The following C1QTNF3 variants were observed in gnomAD, a reference collection of about 807,000 sequenced individuals.
C1QTNF3 encodes C1q and TNF related 3.
C1QTNF3 carries 26 observed loss-of-function variants against 32.6 expected under a neutral mutation model. The observed-to-expected ratio is 0.80, with a 90% CI of 0.58 to 1.11. The LOEUF (loss-of-function observed/expected upper bound fraction) is 1.11. Among genes scored for constraint, C1QTNF3 ranks in the 50% least tolerant of loss-of-function variants. The probability of loss-of-function intolerance (pLI) is 0.00; values close to 1 mark genes in which losing one functional copy is unlikely to be tolerated. For missense variants in C1QTNF3, 362 were observed against 398.2 expected (o/e 0.91, Z 0.77); for synonymous variants, 155 against 146.0 (o/e 1.06, Z -0.44).
At chr5:34,208,071 T>C in the C1QTNF3 span, among the ~76,000 whole-genome samples, 1 of 152,218 alleles carries the variant, frequency 6.6e-6, no homozygotes, top group Admixed American at 6.5e-5. Context: ...ATTACAGGCG[T>C]GAGCCACCTC....
chr5:34,069,190 G>A, the C1QTNF3 span, among the ~76,000 whole-genome samples: 1,255 of 145,378 alleles, frequency 8.6e-3, 14 homozygotes, highest in African/African-American at 0.03. Context: ...AGTTCCCATC[G>A]ATCAATATTT....
the C1QTNF3 span, among the ~76,000 whole-genome samples, chr5:34,081,257 T>C: frequency 6.6e-6 from 1 of 151,724 alleles, no homozygotes; most frequent in East Asian, 1.9e-4. Context: ...AATGAAATTA[T>C]TGACAAAACT....
At chr5:34,215,873 T>C in the C1QTNF3 span, among the ~76,000 whole-genome samples, 2 of 152,264 alleles carry the variant, frequency 1.3e-5, no homozygotes. Flanking sequence ...CCCCAAGCAA[T>C]CCTCCCACCT....
the C1QTNF3 span, among the ~76,000 whole-genome samples, chr5:34,110,694 C>T: frequency 2.6e-5 from 4 of 152,090 alleles, no homozygotes; most frequent in South Asian, 2.1e-4. Context: ...TAAAACTGAT[C>T]GCTGCTTATT....
the C1QTNF3 span, among the ~76,000 whole-genome samples, chr5:34,111,215 A>G: frequency 2.6e-5 from 4 of 152,028 alleles, no homozygotes; most frequent in African/African-American, 9.7e-5. Flanking sequence ...GACATTTTTT[A>G]TTAAATCTTT....
At chr5:34,043,848 C>G (rs1272710730), upstream of C1QTNF3, 2 of 152,224 alleles carry the variant, frequency 1.3e-5, no homozygotes, top group Non-Finnish European at 2.9e-5. Flanking sequence ...TCAAAGTTAA[C>G]TAAGTCACTT....
At chr5:34,102,487 A>G in the C1QTNF3 span, among the ~76,000 whole-genome samples, 21 of 152,166 alleles carry the variant, frequency 1.4e-4, no homozygotes, top group Non-Finnish European at 2.6e-4. Flanking sequence ...GATCCCTATT[A>G]AGGATTTAAG....
At chr5:34,210,050 A>G in the C1QTNF3 span, among the ~76,000 whole-genome samples, 1 of 152,078 alleles carries the variant, frequency 6.6e-6, no homozygotes, top group African/African-American at 2.4e-5. Context: ...TGATGCACAG[A>G]GGAATGAATT....
At chr5:34,068,869 A>C in the C1QTNF3 span, among the ~76,000 whole-genome samples, 2 of 152,180 alleles carry the variant, frequency 1.3e-5, no homozygotes, top group African/African-American at 4.8e-5. Flanking sequence ...AATAACAATG[A>C]AATTCTTAAT....
chr5:34,235,211 T>C, the C1QTNF3 span, among the ~76,000 whole-genome samples: 2 of 152,164 alleles, frequency 1.3e-5, no homozygotes, highest in African/African-American at 4.8e-5. Flanking sequence ...TCTGAGCAGC[T>C]TTTTCAACCT....
intron 5 of C1QTNF3, 40 bp from the exon 6 acceptor site, chr5:34,020,782 A>T (rs772898293): frequency 1.3e-6 from 2 of 1,590,934 alleles, no homozygotes; most frequent in East Asian, 4.5e-5. Flanking sequence ...AGTTTTTGCC[A>T]TGAACAACCA....
chr5:34,182,082 T>C, the C1QTNF3 span, among the ~76,000 whole-genome samples: 3,710 of 151,244 alleles, frequency 0.025, 5 homozygotes, highest in African/African-American at 0.088. Context: ...TGCAGTGGCA[T>C]GATCTCAATT....
intron 4 of C1QTNF3, among the ~76,000 whole-genome samples, chr5:34,026,537 G>T (rs886476572): frequency 7.9e-5 from 12 of 151,864 alleles, no homozygotes; most frequent in African/African-American, 2.9e-4. Flanking sequence ...GAAGTATAAG[G>T]CTGGCTTCAG....
At chr5:34,208,364 C>T in the C1QTNF3 span, among the ~76,000 whole-genome samples, 1 of 152,136 alleles carries the variant, frequency 6.6e-6, no homozygotes, top group South Asian at 2.1e-4. Context: ...GCTTAAAATT[C>T]ATCCTGCAGT....
the C1QTNF3 span, among the ~76,000 whole-genome samples, chr5:34,183,192 T>C: frequency 6.6e-6 from 1 of 152,152 alleles, no homozygotes; most frequent in African/African-American, 2.4e-5. Context: ...TTAGCCAGGA[T>C]GGTCTTGATC....
At chr5:34,070,232 GA>G in the C1QTNF3 span, among the ~76,000 whole-genome samples, 1 of 152,138 alleles carries the variant, frequency 6.6e-6, no homozygotes, top group African/African-American at 2.4e-5. Flanking sequence ...ATGAGCACCA[GA>G]CTAATTTTCC....
chr5:34,217,650 G>A, the C1QTNF3 span, among the ~76,000 whole-genome samples: 1 of 152,134 alleles, frequency 6.6e-6, no homozygotes, highest in Non-Finnish European at 1.5e-5. Flanking sequence ...GGAATGCTGG[G>A]AAATGTGGTA....
chr5:34,088,157 T>C, the C1QTNF3 span, among the ~76,000 whole-genome samples: 15 of 152,358 alleles, frequency 9.8e-5, no homozygotes, highest in African/African-American at 3.4e-4. Context: ...ATTAAGATAA[T>C]CAAGTAGCAG....
chr5:34,172,738 C>T, the C1QTNF3 span, among the ~76,000 whole-genome samples: 6 of 152,152 alleles, frequency 3.9e-5, no homozygotes, highest in African/African-American at 1.4e-4. Context: ...TTTGCAAACT[C>T]CTATTTTGCA....
Sources: gnomAD v4.1 joint callset for allele counts (sites outside exome capture counted in the v4.1 genomes callset) on GRCh38, gnomAD v4.1.1 for gene constraint, MANE v1.5 for transcripts, NCBI Gene and HGNC (gene_info 2026-07-23, HGNC 2026-07-21) for gene names.